NGLY1: variants seen among roughly 807,000 people sequenced by gnomAD.
NGLY1 encodes peptide-N(4)-(N-acetyl-beta-glucosaminyl)asparagine amidase.
In NGLY1, 68 loss-of-function variants were observed where a neutral mutation model predicts 84.6. The observed-to-expected ratio is 0.80, with a 90% CI of 0.66 to 0.98. The LOEUF is 0.98. NGLY1 is among the 50% of genes least tolerant of loss of function. The pLI, the probability that NGLY1 is intolerant of heterozygous loss-of-function variation, is 0.00. For synonymous variants in NGLY1, 280 were observed against 275.2 expected (o/e 1.02, Z -0.17); for missense variants, 779 against 770.2 (o/e 1.01, Z -0.14).
intron 4 of NGLY1, among the ~76,000 whole-genome samples, chr3:25,746,581 C>A (rs1188029612): frequency 6.6e-6 from 1 of 152,178 alleles, no homozygotes; most frequent in Admixed American, 6.6e-5. Context: ...GACTTTAAGT[C>A]TTAGCTAATA....
chr3:25,732,243 G>A, intron 9 of NGLY1, 76 bp downstream of exon 9: 1 of 1,324,874 alleles, frequency 7.5e-7, no homozygotes, highest in East Asian at 2.3e-5. Context: ...CAATGCAGTT[G>A]GAGGATAGTA....
In NGLY1 at chr3:25,783,036, A is replaced by G. The variant is rs1482985484; in HGVS notation, c.131+224T>C. On this transcript the variant is annotated intron_variant, in intron 1 of 11. Coordinates refer to ENST00000280700, the MANE Select transcript of NGLY1 (RefSeq NM_018297.4). The surrounding 1 kb of genome is among the most constrained non-coding windows in gnomAD (Gnocchi z 4.5). ...CCCTGACTGCAGGTGCCAAGTCACA[A>G]CTGCAAAGAAACTTCCTTTTCTCGA... 3 of 508,510 alleles carry G rather than the reference A, an allele frequency of 5.9e-6. No homozygotes were observed. In the South Asian group the frequency reaches 7.0e-5, roughly 12 times the overall value. 31.5% of individuals were successfully genotyped at this position (508,510 alleles called of 1,614,324 possible).
chr3:25,739,434 A>C (rs953825855), intron 5 of NGLY1, 143 bp downstream of exon 5: 1 of 745,614 alleles, frequency 1.3e-6, no homozygotes, highest in Admixed American at 2.9e-5. Context: ...GGCTGGATTT[A>C]GCCTGCCAGC....
rs1299995920 is a variant in NGLY1, at chr3:25,749,891, G to C, written c.658+1207C>G. On this transcript the variant is annotated intron_variant, in intron 4 of 11. Transcript: ENST00000280700. ...TGCCAGGCTGCACAGCGAAGAAAATGAGTAGACAGCTCATGTGCATGTTTT... is the reference window on the plus strand; with the variant it reads ...TGCCAGGCTGCACAGCGAAGAAAATCAGTAGACAGCTCATGTGCATGTTTT... 6.1e-6 allele frequency: 5 copies of C among 816,888 alleles called. No homozygotes were observed. In the East Asian group the frequency reaches 1.0e-4, roughly 16 times the overall value. 50.6% of individuals were successfully genotyped at this position (816,888 alleles called of 1,614,324 possible). A position where few individuals can be genotyped will look rare whatever the true frequency, so the allele number is the denominator to read the frequency against.
rs994097867 is a variant in NGLY1, at chr3:25,783,091, G to A, written c.131+169C>T. 95 of 594,742 alleles carry A rather than the reference G, an allele frequency of 1.6e-4. No individual in the cohort carries two copies. The African/African-American group carries it at 1.7e-3, about 11-fold the overall frequency. 36.8% of individuals were successfully genotyped at this position (594,742 alleles called of 1,614,324 possible). A position where few individuals can be genotyped will look rare whatever the true frequency, so the allele number is the denominator to read the frequency against. ...GGGTGGGACTTGGCCGGGTCCCGAGGCCCCTGGCCGGCGGGCTCGGACGTT... is the reference window on the plus strand; with the variant it reads ...GGGTGGGACTTGGCCGGGTCCCGAGACCCCTGGCCGGCGGGCTCGGACGTT... On this transcript the variant is annotated intron_variant, in intron 1 of 11. Transcript: ENST00000280700. This position sits in a 1 kb window ranked among gnomAD's most constrained non-coding sequence, Gnocchi z 4.5.
rs1217945461 is a variant in NGLY1 at position 25,764,281 on chromosome 3, CT to C, written c.276del (p.Ala93LeufsTer12). 1.2e-6 allele frequency: 2 copies of C among 1,613,868 alleles called. No homozygotes were observed. Among genetic ancestry groups the C allele is most frequent in the Non-Finnish European group, 1.7e-6 (2 of 1,179,962 alleles). Reference protein sequence around the residue: ...EGETHLIFPKKASVEQLQKIR... With the variant: ...EGETHLIFPKXASVEQLQKIR... ...ATTTTTTGCAGCTGCTCCACTGAAG[CT>C]TTTTTAGGAAAGATGAGATGTGTTT... On this transcript the variant is annotated frameshift_variant, in exon 3 of 12. Transcript: ENST00000280700. LOFTEE classifies it high-confidence loss of function.
chr3:25,721,273 C>T (rs952587178), intron 10 of NGLY1, among the ~76,000 whole-genome samples: 3 of 152,096 alleles, frequency 2.0e-5, no homozygotes, highest in African/African-American at 7.2e-5. Flanking sequence ...CACTATGTTG[C>T]CCAGGCTGGT....
At chr3:25,721,410 C>A (rs891927503) in intron 10 of NGLY1, among the ~76,000 whole-genome samples, 2 of 152,102 alleles carry the variant, frequency 1.3e-5, no homozygotes, top group African/African-American at 4.8e-5. Flanking sequence ...CTGAAATGTA[C>A]AGCAAGTACT....
intron 2 of NGLY1, among the ~76,000 whole-genome samples, chr3:25,771,696 A>G (rs778975736): frequency 3.9e-5 from 6 of 152,088 alleles, no homozygotes; most frequent in South Asian, 2.1e-4. Context: ...TGTGTTGTCT[A>G]TGATTTCCTT....
rs762276611 is a variant in NGLY1, at chr3:25,737,355, G to T, written c.982C>A (p.Arg328Ser). The part of the protein sequence containing the change: ...LCCRAVGFEA[R>S]YVWDYTDHVW... ...GTACCTGTGTAATCCCAAACATAGC[G>T]AGCTTCAAACCCTACAGCTCGGCAG... is the stretch of plus-strand genomic sequence containing the variant. The change falls in exon 6 of 12, where the codon CGC (arginine) becomes AGC (serine). Residue 328 changes from arginine to serine, a missense_variant. Physicochemically the swap from Arg to Ser is moderately radical, Grantham distance 110. Coordinates refer to ENST00000280700, the MANE Select transcript of NGLY1 (RefSeq NM_018297.4). 6 of 1,612,968 alleles carry T rather than the reference G, an allele frequency of 3.7e-6. No individual in the cohort carries two copies. Among genetic ancestry groups the T allele is most frequent in the Non-Finnish European group, 5.1e-6 (6 of 1,179,686 alleles).
At chr3:25,774,670 G>A (rs1339283103) in intron 2 of NGLY1, among the ~76,000 whole-genome samples, 2 of 152,106 alleles carry the variant, frequency 1.3e-5, no homozygotes, top group Non-Finnish European at 2.9e-5. Context: ...TTTATATCCA[G>A]GCAGTGTACG....
At chr3:25,728,280 T>A (rs1705360747) in intron 10 of NGLY1, among the ~76,000 whole-genome samples, 1 of 152,168 alleles carries the variant, frequency 6.6e-6, no homozygotes, top group South Asian at 2.1e-4. Context: ...TGACAGCATG[T>A]AACAGATGCT....
rs1704869697 is a variant in NGLY1 at position 25,719,525 on chromosome 3, T to TA, written c.1899dup (p.Arg634Ter). ...TCTTCATGGTCATTTAAGCTTTGTC[T>TA]AAACAGCTGGGTGTGTTGCCAAGCG... On this transcript the variant is annotated frameshift_variant, in exon 12 of 12. Coordinates refer to ENST00000280700, the MANE Select transcript of NGLY1 (RefSeq NM_018297.4). LOFTEE classifies it high-confidence loss of function. 8 of 1,614,050 alleles carry TA rather than the reference T, an allele frequency of 5.0e-6. No individual in the cohort carries two copies. Among genetic ancestry groups the TA allele is most frequent in the Non-Finnish European group, 6.8e-6 (8 of 1,179,932 alleles).
intron 2 of NGLY1, among the ~76,000 whole-genome samples, chr3:25,776,084 T>C (rs1247211204): frequency 6.6e-6 from 1 of 152,234 alleles, no homozygotes; most frequent in Non-Finnish European, 1.5e-5. Flanking sequence ...ACTTTAAGTA[T>C]AAATTAGTCA....
At position 25,737,851 on chromosome 3, in the gene NGLY1, T is replaced by G. The variant is rs367849612; in HGVS notation, c.882-396A>C. Among the ~76,000 whole-genome samples, 7 of 152,216 alleles carry G rather than the reference T, an allele frequency of 4.6e-5. No individual in the cohort carries two copies. In the East Asian group the frequency reaches 1.3e-3, roughly 29 times the overall value. ...GAGCCACTGCGCCCGGCCTTTAATT[T>G]GTTTTTAAATATTTATTTAGAAATC... is the stretch of plus-strand genomic sequence containing the variant. On this transcript the variant is annotated intron_variant, in intron 5 of 11. Transcript: ENST00000280700.
chr3:25,782,983 C>A, intron 1 of NGLY1: 1 of 390,240 alleles, frequency 2.6e-6, no homozygotes, highest in Non-Finnish European at 4.7e-6. Flanking sequence ...CCCGGCCCCG[C>A]TTCCGGGACT....
chr3:25,736,458 T>C, intron 6 of NGLY1: 1 of 1,395,322 alleles, frequency 7.2e-7, no homozygotes, highest in Middle Eastern at 1.8e-4. Context: ...GAGTTTACTA[T>C]CATGAAGGAG....
intron 8 of NGLY1, among the ~76,000 whole-genome samples, chr3:25,732,940 T>G (rs1352319820): frequency 6.6e-6 from 1 of 152,136 alleles, no homozygotes; most frequent in Non-Finnish European, 1.5e-5. Context: ...AGAATTGAGG[T>G]GAAGGGCACA....
At chr3:25,736,370 G>T (rs542203452) in intron 6 of NGLY1, 1 of 1,551,290 alleles carries the variant, frequency 6.4e-7, no homozygotes. Flanking sequence ...CTTTAACGTG[G>T]TCAGTTTTAG....
Sources: allele counts gnomAD v4.1 joint callset (sites outside exome capture counted in the v4.1 genomes callset), GRCh38; gene constraint gnomAD v4.1.1; non-coding constraint Gnocchi (gnomAD v3.1); transcripts MANE v1.5; gene names NCBI Gene and HGNC (gene_info 2026-07-23, HGNC 2026-07-21).